The following VPS26C variants were observed in gnomAD, a reference collection of about 807,000 sequenced individuals.
The protein encoded by VPS26C is VPS26 endosomal protein sorting factor C, also known as vacuolar protein sorting-associated protein 26C.
A neutral mutation model predicts 30.6 loss-of-function variants in VPS26C; 19 were observed. That is an observed-to-expected ratio of 0.62 (90% CI 0.43 to 0.91). The LOEUF (loss-of-function observed/expected upper bound fraction) is 0.91. Among genes scored for constraint, VPS26C ranks in the 40% least tolerant of loss-of-function variants. The pLI, the probability that VPS26C is intolerant of heterozygous loss-of-function variation, is 0.00. For missense variants in VPS26C, 318 were observed against 385.1 expected, an observed-to-expected ratio of 0.83 and a Z score of 1.46; for synonymous variants, 132 against 151.5, an observed-to-expected ratio of 0.87 and a Z score of 0.95.
At chr21:37,260,251 G>A (rs1471137040) in intron 1 of VPS26C, among the ~76,000 whole-genome samples, 2 of 152,204 alleles carry the variant, frequency 1.3e-5, no homozygotes, top group Admixed American at 6.5e-5. Flanking sequence ...GGCTATCCTA[G>A]TCTACCTAGT....
At chr21:37,231,116 C>A (rs1236170535) in intron 5 of VPS26C, among the ~76,000 whole-genome samples, 1 of 152,202 alleles carries the variant, frequency 6.6e-6, no homozygotes, top group Non-Finnish European at 1.5e-5. Flanking sequence ...AAGGATACAG[C>A]CTCTACAACA....
At chr21:37,260,710 G>A (rs947426632) in intron 1 of VPS26C, among the ~76,000 whole-genome samples, 2 of 152,102 alleles carry the variant, frequency 1.3e-5, no homozygotes, top group Non-Finnish European at 2.9e-5. Context: ...CTGAATCAGA[G>A]AGAAAACCAT....
chr21:37,264,035 G>A (rs531118810), intron 1 of VPS26C, among the ~76,000 whole-genome samples: 18 of 152,180 alleles, frequency 1.2e-4, no homozygotes, highest in Non-Finnish European at 2.2e-4. Flanking sequence ...AAACAGCCAT[G>A]ACAGTGCTGG....
At chr21:37,249,614 T>G (rs2086171145) in intron 1 of VPS26C, among the ~76,000 whole-genome samples, 1 of 152,242 alleles carries the variant, frequency 6.6e-6, no homozygotes, top group Non-Finnish European at 1.5e-5. Flanking sequence ...TTTAATGCCC[T>G]TAACAAATCT....
chr21:37,267,698 T>C (rs376519929), upstream of VPS26C: 3 of 270,368 alleles, frequency 1.1e-5, no homozygotes, highest in Admixed American at 5.1e-5. Flanking sequence ...GTCTGTCGGT[T>C]GCAGCCTGCG....
intron 1 of VPS26C, among the ~76,000 whole-genome samples, chr21:37,248,900 T>TA (rs2086164891): frequency 6.6e-6 from 1 of 152,072 alleles, no homozygotes; most frequent in African/African-American, 2.4e-5. Flanking sequence ...ACACTATACA[T>TA]AACCAAGTAG....
intron 1 of VPS26C, chr21:37,261,230 A>G (rs898432703): frequency 6.6e-6 from 1 of 152,228 alleles, no homozygotes; most frequent in Non-Finnish European, 1.5e-5. Flanking sequence ...TTCCCATGTT[A>G]TTCTGTTCAC....
At chr21:37,250,933 A>G (rs2086187128) in intron 1 of VPS26C, among the ~76,000 whole-genome samples, 2 of 151,518 alleles carry the variant, frequency 1.3e-5, no homozygotes, top group Non-Finnish European at 2.9e-5. Context: ...GATGAAAAAG[A>G]TAACTCAGAA....
chr21:37,225,719 G>T, intron 7 of VPS26C, 93 bp from the exon 8 acceptor site: 1 of 1,065,528 alleles, frequency 9.4e-7, no homozygotes, highest in Non-Finnish European at 1.4e-6. Context: ...AGCTCTAACG[G>T]CGAAGGAGCA....
chr21:37,244,375 C>G (rs565941507), intron 1 of VPS26C, among the ~76,000 whole-genome samples: 1 of 152,324 alleles, frequency 6.6e-6, no homozygotes, highest in East Asian at 1.9e-4. Context: ...GTAGCTGGGA[C>G]TACAGGCATG....
intron 1 of VPS26C, among the ~76,000 whole-genome samples, chr21:37,255,042 C>T (rs150896914): frequency 0.011 from 1,663 of 152,148 alleles, 22 homozygotes; most frequent in East Asian, 0.028. Context: ...GGGCAGAAGA[C>T]ATTCTTTTGT....
intron 3 of VPS26C, among the ~76,000 whole-genome samples, chr21:37,236,051 T>G (rs1313902995): frequency 2.6e-5 from 4 of 152,100 alleles, no homozygotes; most frequent in Non-Finnish European, 5.9e-5. Context: ...AAATCCTTTA[T>G]TCTGATTTAT....
At chr21:37,265,533 T>C (rs761853904) in intron 1 of VPS26C, among the ~76,000 whole-genome samples, 4 of 152,240 alleles carry the variant, frequency 2.6e-5, no homozygotes, top group Non-Finnish European at 4.4e-5. Context: ...ACAACAATTA[T>C]AGTCCATAGT....
At chr21:37,248,626 C>T (rs186118775) in intron 1 of VPS26C, among the ~76,000 whole-genome samples, 21 of 151,472 alleles carry the variant, frequency 1.4e-4, no homozygotes, top group Admixed American at 5.3e-4. Context: ...CCCCCAAACC[C>T]GACAGCTTCA....
intron 1 of VPS26C, among the ~76,000 whole-genome samples, chr21:37,266,322 T>A (rs1427086758): frequency 6.6e-6 from 1 of 152,188 alleles, no homozygotes; most frequent in East Asian, 1.9e-4. Flanking sequence ...TTAGCATCCA[T>A]CCAAGACCTT....
rs1045976574 is a variant in VPS26C, at chr21:37,233,816, G to A, written c.352-374C>T. On this transcript the variant is annotated intron_variant, in intron 3 of 7. Transcript: ENST00000309117. The surrounding 1 kb of genome is among the most constrained non-coding windows in gnomAD (Gnocchi z 5.2). ...ATCCCGTTGTTGTCTGCCTTACTGTGCGAGCCCAGACAGATAACACAACTT... is the reference window on the plus strand; with the variant it reads ...ATCCCGTTGTTGTCTGCCTTACTGTACGAGCCCAGACAGATAACACAACTT... Among the ~76,000 whole-genome samples, 1 of 152,162 alleles carries A rather than the reference G, an allele frequency of 6.6e-6. No homozygotes were observed. The highest frequency in any genetic ancestry group is 1.5e-5 in the Non-Finnish European group (1 of 68,034).
rs140879362 is a variant in VPS26C, at chr21:37,257,126, T to C, written c.57+10112A>G. ...CAGCCTGGGTGACAGAGTGAGGCTC[T>C]GTCTCAAAAAAACAAAACACAAAAA... is the stretch of plus-strand genomic sequence containing the variant. On this transcript the variant is annotated intron_variant, in intron 1 of 7. Transcript: ENST00000309117. This position sits in a 1 kb window ranked among gnomAD's most constrained non-coding sequence, Gnocchi z 4.2. Among the ~76,000 whole-genome samples, 2 of 152,274 alleles carry C rather than the reference T, an allele frequency of 1.3e-5. No individual in the cohort carries two copies. Among genetic ancestry groups the C allele is most frequent in the African/African-American group, 4.8e-5 (2 of 41,548 alleles).
At chr21:37,248,786 C>A (rs2086163913) in intron 1 of VPS26C, among the ~76,000 whole-genome samples, 1 of 148,838 alleles carries the variant, frequency 6.7e-6, no homozygotes, top group South Asian at 2.1e-4. Context: ...GAGAGAGAGA[C>A]AGGAGAGAGA....
chr21:37,228,324 T>G lies in VPS26C; in HGVS notation c.557A>C (p.Asn186Thr). Residue 186 changes from asparagine to threonine, a missense_variant, in exon 6 of 8, where the codon AAC (asparagine) becomes ACC (threonine). Asn to Thr is a moderately conservative substitution (Grantham distance 65). Transcript: ENST00000309117. The stretch of plus-strand genomic sequence containing the variant: ...CGTTAGTGGCTGCGTGATGACACAG[T>G]TTGTTGAGTTGAGATGTCCTCGAAG... ...FLLRGHLNST[N>T]CVITQPLTGE... 6.2e-7 allele frequency: 1 copy of G among 1,614,128 alleles called. No individual in the cohort carries two copies. Among genetic ancestry groups the G allele is most frequent in the Non-Finnish European group, 8.5e-7 (1 of 1,180,018 alleles).
Sources: gnomAD v4.1 joint callset for allele counts (sites outside exome capture counted in the v4.1 genomes callset) on GRCh38, gnomAD v4.1.1 for gene constraint, Gnocchi (gnomAD v3.1) non-coding constraint, MANE v1.5 for transcripts, NCBI Gene and HGNC (gene_info 2026-07-23, HGNC 2026-07-21) for gene names.